Variants in MCF2L observed in about 807,000 individuals in gnomAD.
The protein encoded by MCF2L is MCF.2 cell line derived transforming sequence like.
Under a neutral mutation model 153.4 loss-of-function variants are expected in MCF2L, and 97 were observed. The ratio of observed to expected loss-of-function variants is 0.63; its 90% CI spans 0.54 to 0.75. MCF2L has a LOEUF of 0.75. MCF2L is among the 30% of genes least tolerant of loss of function. The pLI, the probability that MCF2L is intolerant of heterozygous loss-of-function variation, is 0.00. For synonymous variants in MCF2L, 659 were observed against 632.2 expected (o/e 1.04, Z -0.64); for missense variants, 1,347 against 1,495.2 (o/e 0.90, Z 1.64).
intron 2 of MCF2L, among the ~76,000 whole-genome samples, chr13:112,912,133 A>G (rs1335269767): frequency 6.6e-6 from 1 of 152,106 alleles, no homozygotes; most frequent in Non-Finnish European, 1.5e-5. Flanking sequence ...TCAGAGTGTC[A>G]GTTAACATGT....
In MCF2L at chr13:113,031,866, CCACACACACACA is replaced by C. The variant is rs56360016; in HGVS notation, c.278+7121_278+7132del. Among the ~76,000 whole-genome samples the C allele has an allele frequency of 2.7e-5, 4 of 150,464 alleles. No individual in the cohort carries two copies. In the South Asian group the frequency reaches 6.3e-4, roughly 24 times the overall value. On this transcript the variant is annotated intron_variant, in intron 3 of 29. Coordinates refer to ENST00000535094, the MANE Select transcript of MCF2L (RefSeq NM_001112732.3). The surrounding 1 kb of genome is among the most constrained non-coding windows in gnomAD (Gnocchi z 5.5). ...ACGCACCTACACAGGCTTGCACATGCCACACACACACACACACACACACAGATGCACGCAGAC... is the reference window on the plus strand; with the variant it reads ...ACGCACCTACACAGGCTTGCACATGCCACACACACACAGATGCACGCAGAC...
intron 22 of MCF2L, 111 bp downstream of exon 22, chr13:113,087,567 T>G (rs1238046008): frequency 8.9e-7 from 1 of 1,118,288 alleles, no homozygotes; most frequent in Admixed American, 2.0e-5. Flanking sequence ...CAGCCTTAGG[T>G]GTAGGGGTGG....
intron 1 of MCF2L, among the ~76,000 whole-genome samples, chr13:112,971,690 G>C (rs1037922210): frequency 1.3e-5 from 2 of 152,218 alleles, no homozygotes; most frequent in Non-Finnish European, 2.9e-5. Flanking sequence ...CATATGGTCT[G>C]TGAATCTGTA....
At chr13:113,092,411 C>T (rs775839448) in intron 26 of MCF2L, among the ~76,000 whole-genome samples, 3 of 144,468 alleles carry the variant, frequency 2.1e-5, no homozygotes, top group African/African-American at 4.9e-5. Flanking sequence ...TCATTTCCAC[C>T]GTGGCCAGTG....
intron 1 of MCF2L, among the ~76,000 whole-genome samples, chr13:112,984,804 A>G (rs981293046): frequency 6.6e-6 from 1 of 152,128 alleles, no homozygotes; most frequent in Middle Eastern, 3.2e-3. Flanking sequence ...GGAAGGGGAG[A>G]GGGCGTCAGG....
In MCF2L at chr13:113,086,111, C is replaced by G; in HGVS notation, c.2248-13C>G. The G allele has an allele frequency of 6.2e-7, 1 of 1,602,314 alleles. No homozygotes were observed. Among genetic ancestry groups the G allele is most frequent in the Non-Finnish European group, 8.5e-7 (1 of 1,174,248 alleles). The stretch of plus-strand genomic sequence containing the variant: ...CGTGTCCCGACGCGGTTGCCTCACC[C>G]CATGCCCCTCAGGAAATGCTGAAAT... On this transcript the variant is annotated splice_polypyrimidine_tract_variant and intron_variant, in intron 20 of 29. Coordinates refer to ENST00000535094, the MANE Select transcript of MCF2L (RefSeq NM_001112732.3).
At chr13:113,040,077 C>T (rs1163995544) in intron 3 of MCF2L, among the ~76,000 whole-genome samples, 1 of 152,186 alleles carries the variant, frequency 6.6e-6, no homozygotes, top group Non-Finnish European at 1.5e-5. Context: ...AGACACCCTA[C>T]TGCAACAACA....
chr13:113,003,175 G>A (rs908060596), intron 1 of MCF2L, among the ~76,000 whole-genome samples: 1 of 152,220 alleles, frequency 6.6e-6, no homozygotes, highest in Admixed American at 6.5e-5. Flanking sequence ...GCAGGTGCAG[G>A]TGGCCACCCC....
chr13:113,088,282 G>A (rs201834539), intron 23 of MCF2L, 45 bp from the exon 24 acceptor site: 62 of 1,487,934 alleles, frequency 4.2e-5, no homozygotes, highest in Middle Eastern at 1.7e-4. Context: ...GTGTTTCCTC[G>A]GGGGCCTGAG....
chr13:113,070,156 G>T lies in MCF2L; in HGVS notation c.979G>T (p.Glu327Ter). The T allele has an allele frequency of 1.2e-6, 2 of 1,600,992 alleles. No homozygotes were observed. Among genetic ancestry groups the T allele is most frequent in the South Asian group, 2.2e-5 (2 of 89,354 alleles). ...GCAGTGTCTGCAGCTCCGGCACTTT[G>T]AGCAGGGCTTCCGGGAGGTGAGTGG... is the stretch of plus-strand genomic sequence containing the variant. ...LEQCLQLRHFEQGFREVKAIL... is the reference protein window; with the variant it reads ...LEQCLQLRHF Residue 327 changes from glutamate to a stop codon, truncating the protein, a stop_gained, in exon 9 of 30, where the codon GAG becomes TAG. Coordinates refer to ENST00000535094, the MANE Select transcript of MCF2L (RefSeq NM_001112732.3). LOFTEE classifies it high-confidence loss of function. This position sits in a 1 kb window ranked among gnomAD's most constrained non-coding sequence, Gnocchi z 5.6.
chr13:113,057,396 CTGAG>C (rs1478235559), intron 4 of MCF2L, among the ~76,000 whole-genome samples: 4 of 140,250 alleles, frequency 2.9e-5, no homozygotes, highest in African/African-American at 8.2e-5. Flanking sequence ...TGTTTGGGTG[CTGAG>C]TGTTTAGGTG....
At chr13:112,922,544 A>AAC (rs1343006371) in intron 2 of MCF2L, among the ~76,000 whole-genome samples, 1 of 151,298 alleles carries the variant, frequency 6.6e-6, no homozygotes, top group Non-Finnish European at 1.5e-5. Flanking sequence ...AAAAAAAAAA[A>AAC]CCCATCAGCC....
At position 113,035,415 on chromosome 13, in the gene MCF2L, G is replaced by A. The variant is rs760161019; in HGVS notation, c.279-9856G>A. ...CTGCAGCCACAGAGACTTCCTTGGC[G>A]GGAAACCAGGTCCTCTGACCTCACC... On this transcript the variant is annotated intron_variant, in intron 3 of 29. Transcript: ENST00000535094. This position sits in a 1 kb window ranked among gnomAD's most constrained non-coding sequence, Gnocchi z 4.4. Among the ~76,000 whole-genome samples, 2 of 152,086 alleles carry A rather than the reference G, an allele frequency of 1.3e-5. No homozygotes were observed. The highest frequency in any genetic ancestry group is 4.8e-5 in the African/African-American group (2 of 41,414).
At chr13:112,950,338 C>G (rs1286202048) in intron 2 of MCF2L, among the ~76,000 whole-genome samples, 1 of 152,128 alleles carries the variant, frequency 6.6e-6, no homozygotes, top group Non-Finnish European at 1.5e-5. Flanking sequence ...GAACAGAATT[C>G]TTATCAAAAT....
Position 113,074,384 on chromosome 13 carries a change from G to A in MCF2L, c.997-60G>A. ...TTTCCCTGATCTGGAGCACTGGAGT[G>A]GGTTCTCTCTGTTCAGGTGAGGGAG... On this transcript the variant is annotated intron_variant, in intron 9 of 29. Transcript: ENST00000535094. The surrounding 1 kb of genome is among the most constrained non-coding windows in gnomAD (Gnocchi z 4.2). The A allele has an allele frequency of 6.3e-7, 1 of 1,582,022 alleles. No individual in the cohort carries two copies. Among genetic ancestry groups the A allele is most frequent in the Non-Finnish European group, 8.7e-7 (1 of 1,153,560 alleles).
Position 113,084,935 on chromosome 13 carries a change from C to G in MCF2L, c.2105C>G (p.Pro702Arg). 1 of 1,614,058 alleles carries G rather than the reference C, an allele frequency of 6.2e-7. No individual in the cohort carries two copies. The highest frequency in any genetic ancestry group is 8.5e-7 in the Non-Finnish European group (1 of 1,180,026). ...QIYEKYCQNKPRSESLWRQCS... is the reference protein window; with the variant it reads ...QIYEKYCQNKRRSESLWRQCS... ...TATGAGAAGTACTGTCAGAACAAGC[C>G]CCGCTCTGAGAGCCTGTGGAGACAG... Residue 702 changes from proline (P) to arginine (R), a missense_variant, in exon 19 of 30, where the codon CCC becomes CGC. Physicochemically the swap from Pro to Arg is moderately radical, Grantham distance 103. Transcript: ENST00000535094.
At chr13:113,081,010 C>T (rs532216770) in intron 15 of MCF2L, among the ~76,000 whole-genome samples, 1 of 152,344 alleles carries the variant, frequency 6.6e-6, no homozygotes, top group South Asian at 2.1e-4. Flanking sequence ...ACCAGGGAGG[C>T]TTCAGCCGCC....
rs1322067359 is a variant in MCF2L, at chr13:113,028,867, GGT to G, written c.278+4117_278+4118del. ...TGTGTGGTGTGTGTGGCGTGTGCGG[GGT>G]GTGTGTGGGGTATGTGTGGTGTGTG... is the stretch of plus-strand genomic sequence containing the variant. On this transcript the variant is annotated intron_variant, in intron 3 of 29. Coordinates refer to ENST00000535094, the MANE Select transcript of MCF2L (RefSeq NM_001112732.3). The surrounding 1 kb of genome is among the most constrained non-coding windows in gnomAD (Gnocchi z 5.4). Among the ~76,000 whole-genome samples, 1 of 150,788 alleles carries G rather than the reference GGT, an allele frequency of 6.6e-6. No individual in the cohort carries two copies. The highest frequency in any genetic ancestry group is 1.5e-5 in the Non-Finnish European group (1 of 67,624).
At chr13:112,973,758 C>T (rs1464239837) in intron 1 of MCF2L, among the ~76,000 whole-genome samples, 1 of 152,194 alleles carries the variant, frequency 6.6e-6, no homozygotes, top group African/African-American at 2.4e-5. Flanking sequence ...TTGGAGCGCC[C>T]TTCAGGGAGA....
Sources: allele counts gnomAD v4.1 joint callset (sites outside exome capture counted in the v4.1 genomes callset), GRCh38; gene constraint gnomAD v4.1.1; non-coding constraint Gnocchi (gnomAD v3.1); transcripts MANE v1.5; gene names NCBI Gene and HGNC (gene_info 2026-07-23, HGNC 2026-07-21).